GALNT17: variants seen among roughly 807,000 people sequenced by gnomAD.
GALNT17 encodes UDP-GalNAc:polypeptide N-acetylgalactosaminyltransferase-like 3.
In GALNT17, 29 loss-of-function variants were observed where a neutral mutation model predicts 63.7. The ratio of observed to expected loss-of-function variants is 0.46; its 90% CI spans 0.34 to 0.62. The LOEUF is 0.62. Among genes scored for constraint, GALNT17 ranks in the 20% least tolerant of loss-of-function variants. The probability of loss-of-function intolerance (pLI) is 0.01; values close to 1 mark genes in which losing one functional copy is unlikely to be tolerated. For missense variants in GALNT17, 603 were observed against 799.6 expected (o/e 0.75, Z 2.97); for synonymous variants, 305 against 318.3 (o/e 0.96, Z 0.45).
intron 3 of GALNT17, among the ~76,000 whole-genome samples, chr7:71,399,158 C>T (rs903484312): frequency 3.9e-5 from 6 of 152,118 alleles, no homozygotes; most frequent in African/African-American, 1.4e-4. Context: ...TACTTGAGCC[C>T]GGGAGGTGGA....
intron 8 of GALNT17, 127 bp from the exon 9 acceptor site, chr7:71,677,084 C>A: frequency 1.1e-6 from 1 of 893,510 alleles, no homozygotes; most frequent in Non-Finnish European, 1.9e-6. Context: ...GAGCCCTGGT[C>A]CTCACTTAGA....
At chr7:71,344,114 TAGAA>T (rs35145877) in intron 2 of GALNT17, among the ~76,000 whole-genome samples, 98,451 of 150,970 alleles carry the variant, frequency 0.65, 32,497 homozygotes, top group African/African-American at 0.76. Context: ...TAGAGGGCCT[TAGAA>T]AGTAAGACAA....
intron 2 of GALNT17, among the ~76,000 whole-genome samples, chr7:71,369,091 T>G (rs936628606): frequency 6.6e-6 from 1 of 152,210 alleles, no homozygotes; most frequent in Non-Finnish European, 1.5e-5. Context: ...TTTCTACAAT[T>G]ATAGGTTCTT....
intron 5 of GALNT17, among the ~76,000 whole-genome samples, chr7:71,500,312 A>G (rs897125980): frequency 5.3e-5 from 8 of 152,158 alleles, no homozygotes; most frequent in African/African-American, 1.9e-4. Flanking sequence ...AACAGCAGGC[A>G]CTCAATAAAG....
intron 5 of GALNT17, among the ~76,000 whole-genome samples, chr7:71,449,312 A>G (rs1321335872): frequency 1.3e-5 from 2 of 151,882 alleles, no homozygotes; most frequent in Non-Finnish European, 2.9e-5. Flanking sequence ...GGGTTTCACC[A>G]TGGCTGGTGT....
chr7:71,431,504 C>T lies in GALNT17; in HGVS notation c.962+10399C>T, dbSNP rs149333932. ...GGATTACAGGTGGGAGCCACCGTACCTGGCCAAGATGAATATTATTATATC... is the reference window on the plus strand; with the variant it reads ...GGATTACAGGTGGGAGCCACCGTACTTGGCCAAGATGAATATTATTATATC... On this transcript the variant is annotated intron_variant, in intron 5 of 10. Coordinates refer to ENST00000333538, the MANE Select transcript of GALNT17 (RefSeq NM_022479.3). Among the ~76,000 whole-genome samples, 1,069 of 152,188 alleles carry T rather than the reference C, an allele frequency of 7.0e-3. 18 individuals carry two copies. The highest frequency in any genetic ancestry group is 0.024 in the African/African-American group (1,016 of 41,522).
At chr7:71,651,005 A>G (rs1299810671) in intron 6 of GALNT17, among the ~76,000 whole-genome samples, 1 of 152,144 alleles carries the variant, frequency 6.6e-6, no homozygotes, top group Non-Finnish European at 1.5e-5. Flanking sequence ...GTAAATTGTT[A>G]GAAGTTAAAG....
intron 1 of GALNT17, among the ~76,000 whole-genome samples, chr7:71,307,496 C>T (rs115343512): frequency 1.4e-3 from 206 of 151,920 alleles, no homozygotes; most frequent in Middle Eastern, 6.8e-3. Context: ...AGACGGGCAT[C>T]TAAACGGAAA....
intron 5 of GALNT17, among the ~76,000 whole-genome samples, chr7:71,538,127 C>A (rs1788829662): frequency 6.6e-6 from 1 of 152,152 alleles, no homozygotes; most frequent in Non-Finnish European, 1.5e-5. Flanking sequence ...TAACAACTGG[C>A]ACAAAGAAAG....
At chr7:71,686,794 T>A (rs140784835) in intron 9 of GALNT17, among the ~76,000 whole-genome samples, 1 of 152,160 alleles carries the variant, frequency 6.6e-6, no homozygotes, top group Admixed American at 6.6e-5. Flanking sequence ...CCTAACACGT[T>A]CCTGCAAATT....
At chr7:71,644,554 A>C (rs1178812457) in intron 6 of GALNT17, among the ~76,000 whole-genome samples, 8 of 134,604 alleles carry the variant, frequency 5.9e-5, no homozygotes, top group Non-Finnish European at 9.0e-5. Flanking sequence ...AAAAAACAAA[A>C]GAAAAAAAAA....
In GALNT17 at chr7:71,597,334, C is replaced by A. The variant is rs1314471887; in HGVS notation, c.1080+25932C>A. 2.0e-5 allele frequency among the ~76,000 whole-genome samples: 3 copies of A among 151,978 alleles called. No homozygotes were observed. The South Asian group carries it at 6.2e-4, about 32-fold the overall frequency. On this transcript the variant is annotated intron_variant, in intron 6 of 10. Transcript: ENST00000333538. ...GATTACAGGCGTGAGCCACCGTGCCCGGCCTACAAAAAAGTTTTAAATGAT... is the reference window on the plus strand; with the variant it reads ...GATTACAGGCGTGAGCCACCGTGCCAGGCCTACAAAAAAGTTTTAAATGAT...
At chr7:71,537,348 T>A (rs1285669659) in intron 5 of GALNT17, among the ~76,000 whole-genome samples, 1 of 152,184 alleles carries the variant, frequency 6.6e-6, no homozygotes, top group Non-Finnish European at 1.5e-5. Flanking sequence ...ACATCCTGAT[T>A]CCCAAGCCTG....
intron 5 of GALNT17, among the ~76,000 whole-genome samples, chr7:71,484,841 C>T (rs1388307522): frequency 1.6e-5 from 2 of 122,816 alleles, no homozygotes; most frequent in African/African-American, 3.1e-5. Context: ...TCTTGTTGCT[C>T]AGGCTGGAGT....
chr7:71,367,834 A>G (rs1021242435), intron 2 of GALNT17, among the ~76,000 whole-genome samples: 4 of 152,206 alleles, frequency 2.6e-5, no homozygotes, highest in Admixed American at 2.6e-4. Flanking sequence ...GCCATTGTTA[A>G]TTAGGTAAGT....
chr7:71,329,320 G>GA (rs1791760942), intron 1 of GALNT17, among the ~76,000 whole-genome samples: 1 of 151,882 alleles, frequency 6.6e-6, no homozygotes, highest in Non-Finnish European at 1.5e-5. Context: ...GAATAAAGAG[G>GA]AAAAAAGCAT....
chr7:71,699,652 G>T (rs1791600839), intron 9 of GALNT17, among the ~76,000 whole-genome samples: 1 of 152,110 alleles, frequency 6.6e-6, no homozygotes, highest in Non-Finnish European at 1.5e-5. Flanking sequence ...GATGAATGCG[G>T]CCTGGACACA....
chr7:71,375,996 T>C (rs989955373), intron 2 of GALNT17, among the ~76,000 whole-genome samples: 2 of 151,938 alleles, frequency 1.3e-5, no homozygotes, highest in African/African-American at 4.8e-5. Flanking sequence ...GGATAATCAG[T>C]TGAACCTGGG....
At chr7:71,642,974 G>A (rs181052105) in intron 6 of GALNT17, among the ~76,000 whole-genome samples, 1 of 152,254 alleles carries the variant, frequency 6.6e-6, no homozygotes, top group East Asian at 1.9e-4. Context: ...TAACCCCCAG[G>A]TGTTCCTCAT....
Sources: allele counts gnomAD v4.1 joint callset (sites outside exome capture counted in the v4.1 genomes callset), GRCh38; gene constraint gnomAD v4.1.1; transcripts MANE v1.5; gene names NCBI Gene and HGNC (gene_info 2026-07-23, HGNC 2026-07-21).